THBS4: variants seen among roughly 807,000 people sequenced by gnomAD.
The protein encoded by THBS4 is thrombospondin 4.
In THBS4, 90 loss-of-function variants were observed where a neutral mutation model predicts 115.7. That is an observed-to-expected ratio of 0.78 (90% confidence interval 0.66 to 0.93). The LOEUF (loss-of-function observed/expected upper bound fraction) is 0.93, where lower values mean the gene tolerates loss of function less well. Ranked by LOEUF, THBS4 falls within the 40% of genes least tolerant of loss-of-function variation. The pLI is 0.00. For missense variants in THBS4, 1,087 were observed against 1,232.7 expected (o/e 0.88, Z 1.77); for synonymous variants, 460 against 479.3 (o/e 0.96, Z 0.53).
intron 16 of THBS4, 53 bp from the exon 17 acceptor site, chr5:80,077,996 T>C (rs1194954240): frequency 1.4e-6 from 2 of 1,422,194 alleles, no homozygotes; most frequent in African/African-American, 1.4e-5. Flanking sequence ...TGCCAAGGAG[T>C]GGCGGTGGGT....
At chr5:80,071,219 G>T in intron 13 of THBS4, 39 bp downstream of exon 13, 1 of 1,551,170 alleles carries the variant, frequency 6.4e-7, no homozygotes, top group Non-Finnish European at 8.7e-7. Context: ...TTGGAATTCA[G>T]TTGACCTTGT....
rs1178798814 is a variant in THBS4 at position 80,076,950 on chromosome 5, G to T, written c.1988G>T (p.Cys663Phe). 1 of 1,613,326 alleles carries T rather than the reference G, an allele frequency of 6.2e-7. No individual in the cohort carries two copies. Among genetic ancestry groups the T allele is most frequent in the African/African-American group, 1.3e-5 (1 of 74,884 alleles). ...DTDKDGIGDE[C>F]DDDDDNDGIP... The stretch of plus-strand genomic sequence containing the variant: ...GATAAGGATGGAATTGGTGACGAGT[G>T]TGATGATGATGATGACAATGATGGT... The change falls in exon 16 of 22, where the codon TGT (cysteine) becomes TTT (phenylalanine). Residue 663 changes from cysteine to phenylalanine, a missense_variant. Transcript: ENST00000350881.
At position 80,053,845 on chromosome 5, in the gene THBS4, G is replaced by A. The variant is rs150196302; in HGVS notation, c.293-1940G>A. Among the ~76,000 whole-genome samples, 4 of 152,194 alleles carry A rather than the reference G, an allele frequency of 2.6e-5. No homozygotes were observed. In the East Asian group the frequency reaches 7.7e-4, roughly 29 times the overall value. ...TCCCAAAGTGCTGGGTTTGGGAATG[G>A]TACCTGTGGATGCACCTAGAGGTGT... On this transcript the variant is annotated intron_variant, in intron 2 of 21. Transcript: ENST00000350881.
chr5:80,012,026 T>C (rs1832137350), intron 2 of THBS4, among the ~76,000 whole-genome samples: 1 of 152,090 alleles, frequency 6.6e-6, no homozygotes, highest in African/African-American at 2.4e-5. Context: ...CAAAGTATGC[T>C]TATTACCTGA....
At chr5:80,063,122 A>C (rs1342349913) in intron 8 of THBS4, among the ~76,000 whole-genome samples, 2 of 152,190 alleles carry the variant, frequency 1.3e-5, no homozygotes, top group Non-Finnish European at 2.9e-5. Context: ...TGTCTTCCAC[A>C]ATGGCTGAAC....
chr5:80,004,878 C>T (rs760208749), intron 2 of THBS4, among the ~76,000 whole-genome samples: 1 of 152,050 alleles, frequency 6.6e-6, no homozygotes, highest in Non-Finnish European at 1.5e-5. Context: ...GCTGGGATTA[C>T]AGGCACCCAC....
chr5:80,078,042 C>A lies in THBS4; in HGVS notation c.2087-7C>A. The A allele has an allele frequency of 6.4e-7, 1 of 1,567,418 alleles. No homozygotes were observed. Among genetic ancestry groups the A allele is most frequent in the Non-Finnish European group, 8.7e-7 (1 of 1,148,954 alleles). On this transcript the variant is annotated splice_polypyrimidine_tract_variant and splice_region_variant and intron_variant, in intron 16 of 21. Transcript: ENST00000350881. ...TTGAGCTCCTGTCCTTTCTCCACCC[C>A]ACTCAGGCGACGGAGTGGGAGACAT... is the stretch of plus-strand genomic sequence containing the variant.
At position 80,082,179 on chromosome 5, in the gene THBS4, C is replaced by T. The variant is rs1743542586; in HGVS notation, c.2685-227C>T. On this transcript the variant is annotated intron_variant, in intron 20 of 21. Coordinates refer to ENST00000350881, the MANE Select transcript of THBS4 (RefSeq NM_003248.6). Reference sequence around the variant, plus strand: ...AAGTTGGGAAGAAACACCCCCCACCCCCCTCCACACACACACGGACACACA... The same window carrying T: ...AAGTTGGGAAGAAACACCCCCCACCTCCCTCCACACACACACGGACACACA... 3 of 440,200 alleles carry T rather than the reference C, an allele frequency of 6.8e-6. 1 individual carries two copies. The South Asian group carries it at 1.7e-4, about 25-fold the overall frequency. 27.3% of individuals were successfully genotyped at this position (440,200 alleles called of 1,614,324 possible). A position where few individuals can be genotyped will look rare whatever the true frequency, so the allele number is the denominator to read the frequency against.
intron 2 of THBS4, among the ~76,000 whole-genome samples, chr5:80,004,204 G>A (rs1480450398): frequency 2.0e-5 from 3 of 152,172 alleles, no homozygotes; most frequent in Non-Finnish European, 4.4e-5. Flanking sequence ...GGTTGATTTA[G>A]GGTTTTGGTT....
At chr5:80,003,746 A>G (rs1487355243) in intron 2 of THBS4, among the ~76,000 whole-genome samples, 1 of 152,226 alleles carries the variant, frequency 6.6e-6, no homozygotes, top group Non-Finnish European at 1.5e-5. Context: ...ATGAAATCCC[A>G]TATCTCTGAA....
chr5:79,994,704 G>C (rs1831756314), intron 1 of THBS4, among the ~76,000 whole-genome samples: 1 of 152,216 alleles, frequency 6.6e-6, no homozygotes, highest in African/African-American at 2.4e-5. Context: ...TACTTGGGAG[G>C]CTGAGGCGGG....
At chr5:80,024,240 C>T (rs1832432914) in intron 2 of THBS4, among the ~76,000 whole-genome samples, 1 of 152,114 alleles carries the variant, frequency 6.6e-6, no homozygotes, top group Admixed American at 6.6e-5. Flanking sequence ...TAAATGGCTT[C>T]CCAAGGTCAT....
chr5:80,010,138 G>A (rs909638194), intron 2 of THBS4, among the ~76,000 whole-genome samples: 3 of 152,138 alleles, frequency 2.0e-5, no homozygotes, highest in African/African-American at 4.8e-5. Flanking sequence ...GTTCATTCTT[G>A]GATAAACATA....
intron 2 of THBS4, among the ~76,000 whole-genome samples, chr5:80,049,791 A>G (rs2112065797): frequency 6.6e-6 from 1 of 152,272 alleles, no homozygotes; most frequent in East Asian, 1.9e-4. Context: ...TCCACTAGGG[A>G]GTTATTGAAG....
intron 19 of THBS4, 22 bp from the exon 20 acceptor site, chr5:80,079,883 C>T: frequency 6.2e-7 from 1 of 1,612,508 alleles, no homozygotes; most frequent in Non-Finnish European, 8.5e-7. Flanking sequence ...TGTCCTAAAA[C>T]CTTGCTTGTG....
chr5:80,044,481 C>T (rs965139499), intron 2 of THBS4, among the ~76,000 whole-genome samples: 9 of 152,042 alleles, frequency 5.9e-5, no homozygotes, highest in African/African-American at 1.7e-4. Context: ...GGAGTGCAGT[C>T]GCTAGATATC....
chr5:80,072,223 C>T (rs574884345), intron 13 of THBS4, 55 bp from the exon 14 acceptor site: 7 of 1,519,650 alleles, frequency 4.6e-6, no homozygotes, highest in East Asian at 4.5e-5. Flanking sequence ...CTCTCCAGCA[C>T]CTAGAAGAAG....
chr5:80,065,297 C>T (rs1202716889), intron 8 of THBS4, 112 bp from the exon 9 acceptor site: 12 of 911,310 alleles, frequency 1.3e-5, no homozygotes, highest in East Asian at 7.8e-5. Context: ...CCATTCTACC[C>T]GAAATTCCGC....
intron 2 of THBS4, among the ~76,000 whole-genome samples, chr5:80,006,392 G>A (rs374344800): frequency 5.3e-5 from 8 of 152,156 alleles, no homozygotes; most frequent in African/African-American, 1.2e-4. Flanking sequence ...CTTTTGTGTC[G>A]TCATTCTCTC....
Sources: gnomAD v4.1 joint callset for allele counts (sites outside exome capture counted in the v4.1 genomes callset) on GRCh38, gnomAD v4.1.1 for gene constraint, MANE v1.5 for transcripts, NCBI Gene and HGNC (gene_info 2026-07-23, HGNC 2026-07-21) for gene names.